MUC7: variants seen among roughly 807,000 people sequenced by gnomAD.
The protein encoded by MUC7 is mucin-7.
A neutral mutation model predicts 2.5 loss-of-function variants in MUC7; 2 were observed. The ratio of observed to expected loss-of-function variants is 0.81; its 90% CI spans 0.33 to 2.55. MUC7 has a LOEUF of 2.55. Ranked by LOEUF, MUC7 falls within the 30% of genes most tolerant of loss-of-function variation. MUC7 has a pLI of 0.11. For missense variants in MUC7, 408 were observed against 455.6 expected, an observed-to-expected ratio of 0.90 and a Z score of 0.95; for synonymous variants, 133 against 173.4, an observed-to-expected ratio of 0.77 and a Z score of 1.83.
At chr4:70,472,611 C>T (rs1296759175) in intron 1 of MUC7, among the ~76,000 whole-genome samples, 4 of 152,124 alleles carry the variant, frequency 2.6e-5, no homozygotes, top group Admixed American at 6.5e-5. Context: ...ACCACTGAGA[C>T]TTTATTATGG....
chr4:70,476,970 G>T (rs1236064671), intron 2 of MUC7, among the ~76,000 whole-genome samples: 1 of 152,128 alleles, frequency 6.6e-6, no homozygotes, highest in African/African-American at 2.4e-5. Context: ...ATGTATTCTG[G>T]AGTCAGATGA....
chr4:70,437,396 G>A (rs1733873031), intron 1 of MUC7, among the ~76,000 whole-genome samples: 1 of 152,162 alleles, frequency 6.6e-6, no homozygotes, highest in Non-Finnish European at 1.5e-5. Context: ...TACATTGTGA[G>A]CATAGAACTG....
In MUC7 at chr4:70,480,889, C is replaced by T. The variant is rs144200604; in HGVS notation, c.145C>T (p.Pro49Ser). Reference protein sequence around the residue: ...PKSHFELPHYPGLLAHQKPFI... With the variant: ...PKSHFELPHYSGLLAHQKPFI... The stretch of plus-strand genomic sequence containing the variant: ...ATCTCACTTTGAATTACCACATTAT[C>T]CTGGACTGCTAGCTCACCAGAAGCC... The change falls in exon 3 of 3, where the codon CCT becomes TCT. Residue 49 changes from proline to serine, a missense_variant. By Grantham distance (74) the Pro-to-Ser change is moderately conservative. Transcript: ENST00000304887. The T allele has an allele frequency of 1.7e-4, 279 of 1,614,170 alleles. 1 individual carries two copies. The highest frequency in any genetic ancestry group is 1.3e-3 in the Middle Eastern group (8 of 6,062).
At chr4:70,459,912 A>C (rs1348027911) in intron 1 of MUC7, among the ~76,000 whole-genome samples, 1 of 152,218 alleles carries the variant, frequency 6.6e-6, no homozygotes, top group Non-Finnish European at 1.5e-5. Flanking sequence ...CTTTATTTGC[A>C]TTTTAGCTAA....
chr4:70,440,136 G>T lies in MUC7; in HGVS notation c.-93+9449G>T, dbSNP rs746072173. ...TAATTTAAAATAATATTCAGCATAG[G>T]TTTATGTTGTTTCCTCTCATTTCTC... On this transcript the variant is annotated intron_variant, in intron 1 of 3. Coordinates refer to the MUC7 transcript ENST00000413702. 1.8e-4 allele frequency among the ~76,000 whole-genome samples: 28 copies of T among 152,020 alleles called. 2 individuals are homozygous for T. The Middle Eastern group carries it at 0.027, about 148-fold the overall frequency.
intron 1 of MUC7, among the ~76,000 whole-genome samples, chr4:70,431,814 T>G (rs749684438): frequency 6.6e-6 from 1 of 152,110 alleles, no homozygotes; most frequent in Non-Finnish European, 1.5e-5. Context: ...TTCTTACATA[T>G]GTATACATGT....
intron 1 of MUC7, among the ~76,000 whole-genome samples, chr4:70,473,588 A>C (rs1734904663): frequency 6.6e-6 from 1 of 152,212 alleles, no homozygotes; most frequent in African/African-American, 2.4e-5. Flanking sequence ...TTTTCCTCTA[A>C]CATCAGGAGT....
chr4:70,455,657 C>A (rs1394934786), intron 1 of MUC7, among the ~76,000 whole-genome samples: 1 of 152,082 alleles, frequency 6.6e-6, no homozygotes, highest in Admixed American at 6.5e-5. Flanking sequence ...TTTTTATCTA[C>A]TATTTATTCT....
upstream of MUC7, among the ~76,000 whole-genome samples, chr4:70,470,222 A>G (rs1187912059): frequency 1.3e-5 from 2 of 152,160 alleles, no homozygotes; most frequent in Non-Finnish European, 2.9e-5. Context: ...ACACGTGGAC[A>G]CAGGGAGGGA....
intron 1 of MUC7, among the ~76,000 whole-genome samples, chr4:70,450,630 T>C (rs765084638): frequency 1.3e-5 from 2 of 152,172 alleles, no homozygotes; most frequent in Non-Finnish European, 2.9e-5. Flanking sequence ...CTACTAGTTA[T>C]TCAGGGCCCA....
upstream of MUC7, among the ~76,000 whole-genome samples, chr4:70,468,392 A>G (rs185360966): frequency 0.014 from 2,056 of 152,276 alleles, 46 homozygotes; most frequent in African/African-American, 0.047. Flanking sequence ...TCAACATAGT[A>G]TGGGAAGTTC....
chr4:70,466,963 TCAG>T, intron 1 of MUC7, among the ~76,000 whole-genome samples: 1 of 152,224 alleles, frequency 6.6e-6, no homozygotes, highest in Admixed American at 6.5e-5. Context: ...TACATTCTTC[TCAG>T]CACCACATCA....
Position 70,449,711 on chromosome 4 carries a change from G to A in MUC7, c.-93+19024G>A, listed in dbSNP as rs191918371. The stretch of plus-strand genomic sequence containing the variant: ...GTTCCTGTGGGCTCATAGAGGTACT[G>A]CCTTGATGGTCTTGGACAAGATCTG... On this transcript the variant is annotated intron_variant, in intron 1 of 3. Coordinates refer to the MUC7 transcript ENST00000413702. Among the ~76,000 whole-genome samples the A allele has an allele frequency of 5.7e-4, 87 of 152,298 alleles. 1 individual carries two copies. In the Middle Eastern group the frequency reaches 0.01, roughly 18 times the overall value.
chr4:70,433,734 T>G (rs1370367530), intron 1 of MUC7, among the ~76,000 whole-genome samples: 1 of 152,216 alleles, frequency 6.6e-6, no homozygotes, highest in African/African-American at 2.4e-5. Flanking sequence ...CTTGCCTGAT[T>G]GTCCTGGCCA....
At chr4:70,441,101 T>G (rs983360553) in intron 1 of MUC7, among the ~76,000 whole-genome samples, 31 of 152,302 alleles carry the variant, frequency 2.0e-4, no homozygotes, top group African/African-American at 7.5e-4. Context: ...ATAATTTTTA[T>G]TGTGTGGTAT....
intron 1 of MUC7, among the ~76,000 whole-genome samples, chr4:70,464,281 T>C (rs1408051556): frequency 6.6e-6 from 1 of 152,162 alleles, no homozygotes; most frequent in Non-Finnish European, 1.5e-5. Flanking sequence ...CAGATGCCTA[T>C]ACCACCAGGG....
At chr4:70,454,902 T>A (rs1734377068) in intron 1 of MUC7, among the ~76,000 whole-genome samples, 1 of 152,244 alleles carries the variant, frequency 6.6e-6, no homozygotes, top group Admixed American at 6.5e-5. Flanking sequence ...TCTTTTCTTA[T>A]GAGGCCCCTA....
intron 2 of MUC7, among the ~76,000 whole-genome samples, chr4:70,474,464 G>A (rs774543500): frequency 2.4e-4 from 36 of 152,218 alleles, no homozygotes; most frequent in African/African-American, 6.5e-4. Flanking sequence ...GCAGCAAGCC[G>A]TAATCATACC....
chr4:70,437,038 C>T (rs966826802), intron 1 of MUC7, among the ~76,000 whole-genome samples: 1 of 152,196 alleles, frequency 6.6e-6, no homozygotes, highest in South Asian at 2.1e-4. Context: ...GGCTGCAGAA[C>T]AGCAAATATT....
Sources: gnomAD v4.1 joint callset for allele counts (sites outside exome capture counted in the v4.1 genomes callset) on GRCh38, gnomAD v4.1.1 for gene constraint, MANE v1.5 for transcripts, NCBI Gene and HGNC (gene_info 2026-07-23, HGNC 2026-07-21) for gene names.